POLR3GL: variants seen among roughly 807,000 people sequenced by gnomAD.
POLR3GL encodes RNA polymerase III subunit GL.
In POLR3GL, 26 loss-of-function variants were observed where a neutral mutation model predicts 32.4. That is an observed-to-expected ratio of 0.80 (90% CI 0.59 to 1.11). POLR3GL has a LOEUF of 1.11. Among genes scored for constraint, POLR3GL ranks in the 50% most tolerant of loss-of-function variants. The probability of loss-of-function intolerance (pLI) is 0.00; values close to 1 mark genes in which losing one functional copy is unlikely to be tolerated. For synonymous variants in POLR3GL, 95 were observed against 98.7 expected (o/e 0.96, Z 0.22); for missense variants, 229 against 280.1 (o/e 0.82, Z 1.30).
At chr1:145,974,782 A>G in intron 1 of POLR3GL, 43 bp from the exon 2 acceptor site, 1 of 1,309,598 alleles carries the variant, frequency 7.6e-7, no homozygotes, top group East Asian at 3.0e-5. Context: ...CTTCCTGTCC[A>G]TTCTACTACA....
Position 145,975,430 on chromosome 1 carries a change from A to T in POLR3GL, c.250A>T (p.Lys84Ter). ...LPYFIRPAVP[K>*]RDVERYSDKY... ...CTACTTCATCCGGCCAGCTGTCCCC[A>T]AGAGAGGTCAGTTGGAATGCTAGCA... Residue 84 changes from lysine (K) to a stop codon, truncating the protein, a stop_gained, in exon 3 of 8, where the codon AAG becomes TAG. Transcript: ENST00000369314. LOFTEE classifies it high-confidence loss of function. 1 of 1,613,596 alleles carries T rather than the reference A, an allele frequency of 6.2e-7. No homozygotes were observed. The highest frequency in any genetic ancestry group is 8.5e-7 in the Non-Finnish European group (1 of 1,179,538).
chr1:145,975,496 A>G (rs974551089), intron 3 of POLR3GL, 60 bp downstream of exon 3: 33 of 1,584,302 alleles, frequency 2.1e-5, no homozygotes, highest in Non-Finnish European at 2.5e-5. Flanking sequence ...CCCTGTGCTC[A>G]GCACCACTGG....
chr1:145,965,507 G>T (rs1649976553), intron 1 of POLR3GL, among the ~76,000 whole-genome samples: 1 of 152,144 alleles, frequency 6.6e-6, no homozygotes, highest in South Asian at 2.1e-4. Context: ...AATTTCTCAA[G>T]TTTGGAAAGG....
intron 3 of POLR3GL, among the ~76,000 whole-genome samples, chr1:145,975,851 C>T (rs950028685): frequency 6.6e-6 from 1 of 152,038 alleles, no homozygotes; most frequent in African/African-American, 2.4e-5. Flanking sequence ...TTTTAACAAT[C>T]TGGATATTAT....
At chr1:145,976,740 C>T (rs1650572187) in intron 3 of POLR3GL, among the ~76,000 whole-genome samples, 1 of 151,750 alleles carries the variant, frequency 6.6e-6, no homozygotes, top group Non-Finnish European at 1.5e-5. Flanking sequence ...TGGTGAAACC[C>T]CGTCTCTACT....
Position 145,978,023 on chromosome 1 carries a change from A to G in POLR3GL, c.497A>G (p.Asp166Gly). The G allele has an allele frequency of 6.2e-7, 1 of 1,609,008 alleles. No homozygotes were observed. Among genetic ancestry groups the G allele is most frequent in the Non-Finnish European group, 8.5e-7 (1 of 1,175,482 alleles). Residue 166 changes from aspartate (D) to glycine (G), a missense_variant, in exon 7 of 8, where the codon GAT becomes GGT. By Grantham distance (94) the Asp-to-Gly change is moderately conservative. Transcript: ENST00000369314. ...KKEEEVTSEE[D>G]EEKEEEEEKE... ...GAAGAAGAAGTAACTTCAGAGGAGG[A>G]TGAGGAGAAAGAAGAAGAAGAAGAG... is the stretch of plus-strand genomic sequence containing the variant.
Position 145,974,804 on chromosome 1 carries a change from CTT to C in POLR3GL, c.-41-19_-41-18del. Reference sequence around the variant, plus strand: ...TCCATTCTACTACATTTCTTTTTCTCTTTGTTTTTGTCTTTATTAGGTTTATT... The same window carrying C: ...TCCATTCTACTACATTTCTTTTTCTCTGTTTTTGTCTTTATTAGGTTTATT... On this transcript the variant is annotated intron_variant, in intron 1 of 7. Coordinates refer to ENST00000369314, the MANE Select transcript of POLR3GL (RefSeq NM_032305.3). The C allele has an allele frequency of 4.9e-6, 7 of 1,417,238 alleles. No homozygotes were observed. The allele number at this position is 1,417,238 out of a possible 1,614,324, so 87.8% of individuals were successfully genotyped here. A position where few individuals can be genotyped will look rare whatever the true frequency, so the allele number is the denominator to read the frequency against.
chr1:145,978,151 G>T, intron 7 of POLR3GL, 55 bp downstream of exon 7: 1 of 1,562,684 alleles, frequency 6.4e-7, no homozygotes, highest in Non-Finnish European at 8.7e-7. Flanking sequence ...TTTATACTAG[G>T]GTTGCTCTCC....
rs782661984 is a variant in POLR3GL at position 145,974,824 on chromosome 1, G to A, written c.-41-1G>A. ...TTTCTCTTTGTTTTTGTCTTTATTA[G>A]GTTTATTCACTGGATCTCTGAATAC... is the stretch of plus-strand genomic sequence containing the variant. On this transcript the variant is annotated splice_acceptor_variant, in intron 1 of 7. Coordinates refer to ENST00000369314, the MANE Select transcript of POLR3GL (RefSeq NM_032305.3). LOFTEE classifies it low-confidence loss of function (5UTR_SPLICE). The A allele has an allele frequency of 3.7e-5, 55 of 1,478,410 alleles. No individual in the cohort carries two copies. The highest frequency in any genetic ancestry group is 4.8e-5 in the Non-Finnish European group (54 of 1,119,954). The allele number at this position is 1,478,410 out of a possible 1,614,324, so 91.6% of individuals were successfully genotyped here.
chr1:145,975,739 G>C (rs1015793263), intron 3 of POLR3GL, among the ~76,000 whole-genome samples: 10 of 152,060 alleles, frequency 6.6e-5, no homozygotes, highest in Non-Finnish European at 8.8e-5. Flanking sequence ...GTGTCCTTAT[G>C]TTGTCCAGGC....
At chr1:145,975,972 GA>G (rs5777568) in intron 3 of POLR3GL, among the ~76,000 whole-genome samples, 47 of 147,566 alleles carry the variant, frequency 3.2e-4, no homozygotes, top group African/African-American at 7.0e-4. Flanking sequence ...CTAAGGGACA[GA>G]AAAAAAAAAA....
chr1:145,975,535 T>C, intron 3 of POLR3GL, 99 bp downstream of exon 3: 1 of 1,373,232 alleles, frequency 7.3e-7, no homozygotes, highest in East Asian at 2.3e-5. Context: ...AAGCATACTA[T>C]CTAACTGGGG....
chr1:145,974,327 G>A (rs868950795), intron 1 of POLR3GL, among the ~76,000 whole-genome samples: 1 of 151,968 alleles, frequency 6.6e-6, no homozygotes, highest in African/African-American at 2.4e-5. Flanking sequence ...GAAGGCCAGA[G>A]ATAGAAAGAA....
At chr1:145,968,079 C>G (rs926818788) in intron 1 of POLR3GL, among the ~76,000 whole-genome samples, 10 of 152,128 alleles carry the variant, frequency 6.6e-5, no homozygotes, top group Non-Finnish European at 7.3e-5. Context: ...TCAGTAACTT[C>G]CACCACAATA....
chr1:145,974,807 T>C lies in POLR3GL; in HGVS notation c.-41-18T>C. On this transcript the variant is annotated intron_variant, in intron 1 of 7. Transcript: ENST00000369314. ...ATTCTACTACATTTCTTTTTCTCTT[T>C]GTTTTTGTCTTTATTAGGTTTATTC... The C allele has an allele frequency of 7.0e-7, 1 of 1,427,376 alleles. No homozygotes were observed. Among genetic ancestry groups the C allele is most frequent in the East Asian group, 2.8e-5 (1 of 35,598 alleles). 88.4% of individuals were successfully genotyped at this position (1,427,376 alleles called of 1,614,324 possible). A position where few individuals can be genotyped will look rare whatever the true frequency, so the allele number is the denominator to read the frequency against.
intron 7 of POLR3GL, 26 bp from the exon 8 acceptor site, chr1:145,978,335 T>G (rs1440396693): frequency 2.9e-6 from 4 of 1,381,462 alleles, no homozygotes; most frequent in Non-Finnish European, 3.9e-6. Context: ...CCAAATTGAC[T>G]TTTACTTTTT....
At chr1:145,977,632 T>TC in intron 5 of POLR3GL, 93 bp downstream of exon 5, 1 of 1,349,472 alleles carries the variant, frequency 7.4e-7, no homozygotes, top group Non-Finnish European at 1.1e-6. Context: ...CCATCCCAGT[T>TC]CCTATACCCA....
At chr1:145,972,697 T>C (rs1424498353) in intron 1 of POLR3GL, among the ~76,000 whole-genome samples, 2 of 152,102 alleles carry the variant, frequency 1.3e-5, no homozygotes, top group African/African-American at 2.4e-5. Context: ...TTCTCCTTTT[T>C]GTTTGTTTTT....
At chr1:145,976,576 G>GAA (rs782590366) in intron 3 of POLR3GL, among the ~76,000 whole-genome samples, 5,103 of 145,400 alleles carry the variant, frequency 0.035, 333 homozygotes, top group African/African-American at 0.12. Flanking sequence ...GATTCTGTCT[G>GAA]AAAAAAAAAA....
Sources: gnomAD v4.1 joint callset for allele counts (sites outside exome capture counted in the v4.1 genomes callset) on GRCh38, gnomAD v4.1.1 for gene constraint, MANE v1.5 for transcripts, NCBI Gene and HGNC (gene_info 2026-07-23, HGNC 2026-07-21) for gene names.